The following PTPRD variants were observed in gnomAD, a reference collection of about 807,000 sequenced individuals.
PTPRD encodes receptor-type tyrosine-protein phosphatase delta.
A neutral mutation model predicts 214.5 loss-of-function variants in PTPRD; 34 were observed. The ratio of observed to expected loss-of-function variants is 0.16; its 90% CI spans 0.12 to 0.21. PTPRD has a LOEUF of 0.21. Ranked by LOEUF, PTPRD falls within the 10% of genes least tolerant of loss-of-function variation. The pLI, the probability that PTPRD is intolerant of heterozygous loss-of-function variation, is 1.00. For synonymous variants in PTPRD, 1,128 were observed against 845.7 expected, an observed-to-expected ratio of 1.33 and a Z score of -5.79; for missense variants, 2,545 against 2,398.7, an observed-to-expected ratio of 1.06 and a Z score of -1.27.
At chr9:9,544,511 T>C (rs966956601) in intron 8 of PTPRD, among the ~76,000 whole-genome samples, 5 of 151,664 alleles carry the variant, frequency 3.3e-5, no homozygotes, top group African/African-American at 1.2e-4. Flanking sequence ...ATATACTTAA[T>C]GCAATGATGC....
intron 11 of PTPRD, among the ~76,000 whole-genome samples, chr9:8,931,893 G>A (rs188002488): frequency 6.6e-6 from 1 of 152,086 alleles, no homozygotes. Context: ...TTAGCCTTGA[G>A]AGGTTGTATG....
chr9:9,346,339 G>A (rs926518763), intron 9 of PTPRD, among the ~76,000 whole-genome samples: 8 of 152,190 alleles, frequency 5.3e-5, no homozygotes, highest in Admixed American at 3.3e-4. Context: ...TGACTCACAC[G>A]TAACATAATT....
chr9:8,586,720 C>T (rs1330215555), intron 14 of PTPRD, among the ~76,000 whole-genome samples: 1 of 152,150 alleles, frequency 6.6e-6, no homozygotes, highest in East Asian at 1.9e-4. Flanking sequence ...CTATTGCTAC[C>T]CACACATTTG....
chr9:10,328,033 T>A (rs73644417), intron 3 of PTPRD, among the ~76,000 whole-genome samples: 1,818 of 151,848 alleles, frequency 0.012, 43 homozygotes, highest in African/African-American at 0.041. Context: ...GTTGTAAGCT[T>A]CCTGCCCCTG....
chr9:9,793,301 T>A (rs1458509303), intron 5 of PTPRD, among the ~76,000 whole-genome samples: 2 of 152,156 alleles, frequency 1.3e-5, no homozygotes, highest in African/African-American at 2.4e-5. Flanking sequence ...ATTTGATCCA[T>A]TTCTCTGAGT....
At chr9:8,601,513 C>T (rs1314927089) in intron 14 of PTPRD, among the ~76,000 whole-genome samples, 1 of 152,118 alleles carries the variant, frequency 6.6e-6, no homozygotes, top group Non-Finnish European at 1.5e-5. Flanking sequence ...TATGACCTCA[C>T]CCTTGGCTCC....
intron 3 of PTPRD, among the ~76,000 whole-genome samples, chr9:10,200,681 A>T (rs1310678776): frequency 6.6e-6 from 1 of 152,102 alleles, no homozygotes; most frequent in Admixed American, 6.6e-5. Flanking sequence ...TGCAGAAAGG[A>T]CTTAGAAGTA....
At chr9:8,797,656 C>T (rs1214861031) in intron 11 of PTPRD, among the ~76,000 whole-genome samples, 2 of 152,160 alleles carry the variant, frequency 1.3e-5, no homozygotes, top group Non-Finnish European at 2.9e-5. Flanking sequence ...CATCCACCAA[C>T]TACATGTGAT....
At chr9:8,848,628 G>C (rs890662109) in intron 11 of PTPRD, among the ~76,000 whole-genome samples, 5 of 151,046 alleles carry the variant, frequency 3.3e-5, no homozygotes, top group African/African-American at 1.2e-4. Context: ...TTGAATTTGA[G>C]TCAAGAAAGC....
chr9:8,446,507 GA>G (rs1355409217), intron 34 of PTPRD, among the ~76,000 whole-genome samples: 3 of 152,156 alleles, frequency 2.0e-5, no homozygotes, highest in East Asian at 1.9e-4. Flanking sequence ...ATCAGAAGCA[GA>G]AATCAATTTG....
At chr9:9,423,878 C>G (rs553864669) in intron 8 of PTPRD, among the ~76,000 whole-genome samples, 1 of 152,048 alleles carries the variant, frequency 6.6e-6, no homozygotes, top group Non-Finnish European at 1.5e-5. Flanking sequence ...AAATACAAAA[C>G]TTACGAGAAA....
At chr9:9,984,141 AATAAT>A (rs1230359781) in intron 4 of PTPRD, among the ~76,000 whole-genome samples, 1 of 152,198 alleles carries the variant, frequency 6.6e-6, no homozygotes, top group Non-Finnish European at 1.5e-5. Flanking sequence ...AGTGAATAAA[AATAAT>A]AAAATAGCAT....
chr9:9,690,412 T>C (rs1176688526), intron 7 of PTPRD, among the ~76,000 whole-genome samples: 1 of 151,974 alleles, frequency 6.6e-6, no homozygotes, highest in Non-Finnish European at 1.5e-5. Context: ...ATTGAAGATA[T>C]TTTCACCCAT....
Position 9,976,689 on chromosome 9 carries a change from C to CAAAAAAAAAAAAAAA in PTPRD, c.-471-38094_-471-38080dup, listed in dbSNP as rs869096131. ...GGTGTGAGCCACTACACCCTGCCAC[C>CAAAAAAAAAAAAAAA]AAAAAAAAAAAAAAAAAAAAAAATT... On this transcript the variant is annotated intron_variant, in intron 4 of 45. Coordinates refer to ENST00000381196, the MANE Select transcript of PTPRD (RefSeq NM_002839.4). Among the ~76,000 whole-genome samples the CAAAAAAAAAAAAAAA allele has an allele frequency of 1.4e-3, 91 of 63,252 alleles. 4 individuals are homozygous for CAAAAAAAAAAAAAAA. Among genetic ancestry groups the CAAAAAAAAAAAAAAA allele is most frequent in the African/African-American group, 4.3e-3 (56 of 13,066 alleles). The allele number at this position is 63,252 out of a possible 152,430, so 41.5% of individuals were successfully genotyped here. A position where few individuals can be genotyped will look rare whatever the true frequency, so the allele number is the denominator to read the frequency against.
intron 9 of PTPRD, among the ~76,000 whole-genome samples, chr9:9,187,861 C>A (rs141417816): frequency 6.6e-6 from 1 of 151,508 alleles, no homozygotes; most frequent in Non-Finnish European, 1.5e-5. Context: ...ATTATAAGAA[C>A]AAGCAGGACT....
At chr9:10,568,451 G>C (rs1341112202) in intron 2 of PTPRD, among the ~76,000 whole-genome samples, 2 of 152,056 alleles carry the variant, frequency 1.3e-5, no homozygotes, top group Non-Finnish European at 2.9e-5. Flanking sequence ...CTTCATAGCA[G>C]CATGATTTAT....
At chr9:10,120,195 C>G (rs1014945069) in intron 3 of PTPRD, among the ~76,000 whole-genome samples, 3 of 151,938 alleles carry the variant, frequency 2.0e-5, no homozygotes, top group African/African-American at 7.2e-5. Context: ...AGGCTTTGTG[C>G]AAATGAATTA....
At position 8,687,721 on chromosome 9, in the gene PTPRD, G is replaced by A. The variant is rs184606524; in HGVS notation, c.64+46059C>T. 1.9e-3 allele frequency among the ~76,000 whole-genome samples: 293 copies of A among 151,950 alleles called. 2 individuals are homozygous for A. Among genetic ancestry groups the A allele is most frequent in the Non-Finnish European group, 3.6e-3 (245 of 67,964 alleles). On this transcript the variant is annotated intron_variant, in intron 12 of 45. Coordinates refer to ENST00000381196, the MANE Select transcript of PTPRD (RefSeq NM_002839.4). ...AAATTCTGAAGTAAACAAAATAAGA[G>A]GTCCTTAGGTAAAATAAGAGTTTTT... is the stretch of plus-strand genomic sequence containing the variant.
intron 11 of PTPRD, among the ~76,000 whole-genome samples, chr9:8,976,739 G>A (rs1234880092): frequency 3.9e-5 from 6 of 152,040 alleles, no homozygotes; most frequent in African/African-American, 1.4e-4. Context: ...AGCCAAATGT[G>A]AATTTTAAAT....
Sources: gnomAD v4.1 joint callset for allele counts (sites outside exome capture counted in the v4.1 genomes callset) on GRCh38, gnomAD v4.1.1 for gene constraint, MANE v1.5 for transcripts, NCBI Gene and HGNC (gene_info 2026-07-23, HGNC 2026-07-21) for gene names.